Variants in ALPK3 observed in about 807,000 individuals in gnomAD.
ALPK3 encodes the protein alpha kinase 3.
A neutral mutation model predicts 140.0 loss-of-function variants in ALPK3; 102 were observed. That is an observed-to-expected ratio of 0.73 (90% CI 0.62 to 0.86). The LOEUF is 0.86. ALPK3 is among the 40% of genes least tolerant of loss of function. ALPK3 has a pLI of 0.00. For missense variants in ALPK3, 2,254 were observed against 2,208.2 expected (o/e 1.02, Z -0.42); for synonymous variants, 938 against 898.5 (o/e 1.04, Z -0.79).
rs1964066167 is a variant in ALPK3, at chr15:84,871,173, G to C, written c.*2717G>C. The C allele has an allele frequency of 6.6e-6, 1 of 152,596 alleles. No homozygotes were observed. Among genetic ancestry groups the C allele is most frequent in the African/African-American group, 2.4e-5 (1 of 41,438 alleles). The allele number at this position is 152,596 out of a possible 1,614,324, so 9.5% of individuals were successfully genotyped here. On this transcript the variant is annotated 3_prime_UTR_variant, in exon 14 of 14. Transcript: ENST00000258888. ...AAGTCTACAGTCCATTTCTAGAACT[G>C]GTCATGAGAACTCATGTTTATGATG...
chr15:84,842,362 C>T (rs1032799889), intron 5 of ALPK3, among the ~76,000 whole-genome samples: 2 of 152,174 alleles, frequency 1.3e-5, no homozygotes, highest in African/African-American at 2.4e-5. Context: ...AATCTGATAA[C>T]CTTAAGTGGA....
At chr15:84,852,659 A>C in intron 5 of ALPK3, 1 of 211,396 alleles carries the variant, frequency 4.7e-6, no homozygotes, top group Non-Finnish European at 9.8e-6. Context: ...TTCATTTAAT[A>C]TTTTCAGACC....
chr15:84,848,310 A>T, intron 5 of ALPK3, among the ~76,000 whole-genome samples: 1 of 152,128 alleles, frequency 6.6e-6, no homozygotes, highest in Non-Finnish European at 1.5e-5. Context: ...TATAAGACAA[A>T]TACAACATAA....
At chr15:84,834,152 T>C (rs1172796720) in intron 3 of ALPK3, among the ~76,000 whole-genome samples, 3 of 152,134 alleles carry the variant, frequency 2.0e-5, no homozygotes, top group African/African-American at 4.8e-5. Flanking sequence ...CAAAAACTTA[T>C]ATATTGGTCC....
chr15:84,845,690 A>G (rs1390568499), intron 5 of ALPK3, among the ~76,000 whole-genome samples: 2 of 152,226 alleles, frequency 1.3e-5, no homozygotes, highest in Non-Finnish European at 2.9e-5. Flanking sequence ...AAAAACTTCG[A>G]GAATAAAAAC....
chr15:84,856,418 T>C lies in ALPK3; in HGVS notation c.1680T>C (p.Ala560=), dbSNP rs1375163509. ...GEVLECQTTT[A]PTMSASSSSD... Reference sequence around the variant, plus strand: ...TCCTGGAATGCCAGACAACCACGGCTCCTACCATGTCGGCCAGCAGCAGCT... The same window carrying C: ...TCCTGGAATGCCAGACAACCACGGCCCCTACCATGTCGGCCAGCAGCAGCT... The change falls in exon 6 of 14, where the codon GCT becomes GCC. Residue 560 remains alanine, a synonymous_variant. Transcript: ENST00000258888. 5 of 1,608,004 alleles carry C rather than the reference T, an allele frequency of 3.1e-6. No individual in the cohort carries two copies. Among genetic ancestry groups the C allele is most frequent in the Non-Finnish European group, 1.7e-6 (2 of 1,177,316 alleles).
At chr15:84,863,984 C>T (rs386173) in intron 11 of ALPK3, among the ~76,000 whole-genome samples, 152,327 of 152,340 alleles carry the variant, frequency 1, 76,157 homozygotes, top group Non-Finnish European at 1. Flanking sequence ...AGGACACTTC[C>T]GTGGTATGCA....
rs1222900782 is a variant in ALPK3 at position 84,868,130 on chromosome 15, A to G, written c.4792A>G (p.Ser1598Gly). Residue 1598 changes from serine to glycine, a missense_variant, in exon 14 of 14, where the codon AGC becomes GGC. Coordinates refer to ENST00000258888, the MANE Select transcript of ALPK3 (RefSeq NM_020778.5). ...KLRGYQGLKE[S>G]CFPALLDRFA... Reference sequence around the variant, plus strand: ...CTGCAGATACCAGGGCCTCAAGGAAAGCTGCTTCCCTGCCCTGCTGGACCG... The same window carrying G: ...CTGCAGATACCAGGGCCTCAAGGAAGGCTGCTTCCCTGCCCTGCTGGACCG... 3.1e-6 allele frequency: 5 copies of G among 1,611,070 alleles called. No homozygotes were observed. Among genetic ancestry groups the G allele is most frequent in the Non-Finnish European group, 4.2e-6 (5 of 1,177,736 alleles).
At chr15:84,820,493 T>G (rs1233774949) in intron 1 of ALPK3, among the ~76,000 whole-genome samples, 1 of 152,164 alleles carries the variant, frequency 6.6e-6, no homozygotes, top group African/African-American at 2.4e-5. Context: ...AGTGTGTTTT[T>G]TTTTTGAGAT....
At chr15:84,859,658 C>A (rs1237696081) in intron 7 of ALPK3, 118 bp from the exon 8 acceptor site, 15 of 1,422,658 alleles carry the variant, frequency 1.1e-5, no homozygotes, top group Non-Finnish European at 1.4e-5. Context: ...CGCGCTGCTT[C>A]CCCAAAGCTC....
chr15:84,850,233 C>T (rs1963787285), intron 5 of ALPK3, among the ~76,000 whole-genome samples: 1 of 152,188 alleles, frequency 6.6e-6, no homozygotes, highest in African/African-American at 2.4e-5. Context: ...GGTTTTGTCC[C>T]TTGCTCTTCC....
intron 4 of ALPK3, 47 bp from the exon 5 acceptor site, chr15:84,839,655 T>TCACCTCCCAGGAGGGGAGAGGTGG (rs1286992609): frequency 1.9e-6 from 3 of 1,539,064 alleles, no homozygotes; most frequent in Admixed American, 1.9e-5. Flanking sequence ...GTGGGGGCTC[T>TCACCTCCCAGGAGGGGAGAGGTGG]CACCTCCCAG....
intron 5 of ALPK3, among the ~76,000 whole-genome samples, chr15:84,846,940 G>T (rs78086440): frequency 1.3e-5 from 2 of 151,806 alleles, no homozygotes; most frequent in African/African-American, 4.8e-5. Flanking sequence ...GGCTAATTTT[G>T]TATTTTTAGT....
intron 3 of ALPK3, among the ~76,000 whole-genome samples, chr15:84,831,481 C>T (rs1168243270): frequency 3.3e-5 from 5 of 152,124 alleles, no homozygotes; most frequent in African/African-American, 1.2e-4. Context: ...TTCAACTCTT[C>T]TACTGAATTT....
At chr15:84,817,699 C>T in intron 1 of ALPK3, 104 bp downstream of exon 1, 1 of 1,299,564 alleles carries the variant, frequency 7.7e-7, no homozygotes, top group Non-Finnish European at 9.9e-7. Flanking sequence ...GGCCTGCGCC[C>T]TCGAGCCCTC....
At position 84,858,315 on chromosome 15, in the gene ALPK3, C is replaced by T; in HGVS notation, c.3577C>T (p.Pro1193Ser). 6.4e-7 allele frequency: 1 copy of T among 1,564,618 alleles called. No individual in the cohort carries two copies. The highest frequency in any genetic ancestry group is 8.7e-7 in the Non-Finnish European group (1 of 1,154,788). ...AGAAAGGGAGAGCCCCACGGTTTCC[C>T]CCCGGGGGCCCAGGAAAAGCCTGGT... is the stretch of plus-strand genomic sequence containing the variant. ...PEERESPTVS[P>S]RGPRKSLVPG... The change falls in exon 6 of 14, where the codon CCC becomes TCC. Residue 1193 changes from proline to serine, a missense_variant. Physicochemically the swap from Pro to Ser is moderately conservative, Grantham distance 74. Transcript: ENST00000258888.
In ALPK3 at chr15:84,857,023, G is replaced by T. The variant is rs267604353; in HGVS notation, c.2285G>T (p.Gly762Val). 18 of 1,614,090 alleles carry T rather than the reference G, an allele frequency of 1.1e-5. No homozygotes were observed. In the South Asian group the frequency reaches 1.6e-4, roughly 15 times the overall value. The change falls in exon 6 of 14, where the codon GGG (glycine) becomes GTG (valine). Residue 762 changes from glycine to valine, a missense_variant. Gly to Val is a moderately radical substitution (Grantham distance 109, BLOSUM62 -3). This residue lies in a region of ALPK3 where 2,088 missense variants were observed against 2,022.9 expected (regional missense o/e 1.03). Transcript: ENST00000258888. ...NIECFVQTPE[G>V]SCFPKKPGCL... ...GAATGTTTTGTACAGACCCCAGAAG[G>T]GTCTTGTTTCCCAAAAAAACCTGGT... is the stretch of plus-strand genomic sequence containing the variant.
chr15:84,831,421 A>G (rs1194358743), intron 3 of ALPK3, among the ~76,000 whole-genome samples: 1 of 151,602 alleles, frequency 6.6e-6, no homozygotes, highest in Non-Finnish European at 1.5e-5. Context: ...TTCCCCTTTC[A>G]TCTATTTGTC....
chr15:84,869,730 G>A lies in ALPK3; in HGVS notation c.*1274G>A, dbSNP rs12442251. 2 of 152,726 alleles carry A rather than the reference G, an allele frequency of 1.3e-5. No homozygotes were observed. The highest frequency in any genetic ancestry group is 2.9e-5 in the Non-Finnish European group (2 of 68,114). The allele number at this position is 152,726 out of a possible 1,614,324, so 9.5% of individuals were successfully genotyped here. ...CCTACTCCCTTTGGAATGCAATAAAGGCAGCATTGTGTGCCCTGCTTGCCC... is the reference window on the plus strand; with the variant it reads ...CCTACTCCCTTTGGAATGCAATAAAAGCAGCATTGTGTGCCCTGCTTGCCC... On this transcript the variant is annotated 3_prime_UTR_variant, in exon 14 of 14. Coordinates refer to ENST00000258888, the MANE Select transcript of ALPK3 (RefSeq NM_020778.5).
Sources: gnomAD v4.1 joint callset for allele counts (sites outside exome capture counted in the v4.1 genomes callset) on GRCh38, gnomAD v4.1.1 for gene constraint, gnomAD v4.1.1 regional missense constraint, MANE v1.5 for transcripts, NCBI Gene and HGNC (gene_info 2026-07-23, HGNC 2026-07-21) for gene names.